Variants in NKAIN2 observed in about 807,000 individuals in gnomAD.
NKAIN2 encodes the protein sodium/potassium transporting ATPase interacting 2.
A neutral mutation model predicts 32.6 loss-of-function variants in NKAIN2; 14 were observed. The ratio of observed to expected loss-of-function variants is 0.43; its 90% confidence interval spans 0.28 to 0.67. NKAIN2 has a LOEUF of 0.67. Among genes scored for constraint, NKAIN2 ranks in the 30% least tolerant of loss-of-function variants. The probability of loss-of-function intolerance (pLI) is 0.17; values close to 1 mark genes in which losing one functional copy is unlikely to be tolerated. For synonymous variants in NKAIN2, 80 were observed against 87.2 expected, an observed-to-expected ratio of 0.92 and a Z score of 0.46; for missense variants, 198 against 258.3, an observed-to-expected ratio of 0.77 and a Z score of 1.60.
At chr6:123,827,167 T>C (rs1774183640) in intron 1 of NKAIN2, among the ~76,000 whole-genome samples, 1 of 152,164 alleles carries the variant, frequency 6.6e-6, no homozygotes, top group Non-Finnish European at 1.5e-5. Flanking sequence ...ATTCAAGTCC[T>C]TTTCTATTTT....
intron 1 of NKAIN2, among the ~76,000 whole-genome samples, chr6:123,827,434 C>A (rs1430077212): frequency 2.0e-5 from 3 of 151,992 alleles, no homozygotes; most frequent in Admixed American, 1.3e-4. Context: ...TATACATGTA[C>A]CACATGAAAA....
chr6:123,900,869 T>G (rs1318557248), intron 1 of NKAIN2, among the ~76,000 whole-genome samples: 1 of 152,136 alleles, frequency 6.6e-6, no homozygotes, highest in Admixed American at 6.6e-5. Flanking sequence ...AAAAGAAGAT[T>G]AAAAATATTT....
chr6:124,002,479 T>C (rs533782035), intron 1 of NKAIN2, among the ~76,000 whole-genome samples: 26 of 152,142 alleles, frequency 1.7e-4, no homozygotes, highest in African/African-American at 6.3e-4. Flanking sequence ...AATCTCCTAC[T>C]TCATTTTCTT....
chr6:124,311,092 A>C (rs899420762), intron 2 of NKAIN2, among the ~76,000 whole-genome samples: 4 of 152,110 alleles, frequency 2.6e-5, no homozygotes, highest in African/African-American at 9.7e-5. Flanking sequence ...TTCCCTTTTC[A>C]TCAACTTATT....
chr6:123,993,732 A>G (rs539509870), intron 1 of NKAIN2, among the ~76,000 whole-genome samples: 1 of 152,210 alleles, frequency 6.6e-6, no homozygotes, highest in East Asian at 1.9e-4. Context: ...ATGTTCCAGT[A>G]TTTTTCCAAA....
chr6:124,588,358 A>T (rs905625013), intron 3 of NKAIN2, among the ~76,000 whole-genome samples: 14 of 152,158 alleles, frequency 9.2e-5, no homozygotes, highest in South Asian at 2.1e-4. Flanking sequence ...ATTTTTATTT[A>T]AAAAATATCC....
chr6:124,798,081 AT>A (rs1780091733), intron 5 of NKAIN2, among the ~76,000 whole-genome samples: 2 of 150,090 alleles, frequency 1.3e-5, no homozygotes, highest in African/African-American at 4.9e-5. Flanking sequence ...CTATCTATCT[AT>A]CTATCTATCT....
intron 1 of NKAIN2, among the ~76,000 whole-genome samples, chr6:124,069,071 C>T (rs1258592674): frequency 6.6e-6 from 1 of 152,126 alleles, no homozygotes; most frequent in East Asian, 1.9e-4. Context: ...GGGATCACTA[C>T]ATTTTGAAAA....
chr6:124,359,534 A>G (rs1799166961), intron 3 of NKAIN2, among the ~76,000 whole-genome samples: 1 of 152,112 alleles, frequency 6.6e-6, no homozygotes, highest in South Asian at 2.1e-4. Flanking sequence ...CTTTGAAGCA[A>G]TTGTGAATGG....
intron 1 of NKAIN2, among the ~76,000 whole-genome samples, chr6:123,815,743 G>A (rs1773666794): frequency 6.6e-6 from 1 of 151,978 alleles, no homozygotes; most frequent in East Asian, 1.9e-4. Context: ...AAACATTTAA[G>A]AGATTATATA....
intron 4 of NKAIN2, among the ~76,000 whole-genome samples, chr6:124,758,359 C>A (rs1392401185): frequency 6.6e-6 from 1 of 152,114 alleles, no homozygotes; most frequent in African/African-American, 2.4e-5. Context: ...TTTTAGAAAG[C>A]TCTCTTGCCC....
At chr6:124,542,338 A>G (rs1416068358) in intron 3 of NKAIN2, among the ~76,000 whole-genome samples, 1 of 152,210 alleles carries the variant, frequency 6.6e-6, no homozygotes, top group African/African-American at 2.4e-5. Flanking sequence ...AACATAAAAA[A>G]TAAAATACTT....
chr6:123,917,954 T>TA (rs1201941557), intron 1 of NKAIN2, among the ~76,000 whole-genome samples: 6 of 152,146 alleles, frequency 3.9e-5, no homozygotes, highest in Admixed American at 2.0e-4. Context: ...GAGTTAAACA[T>TA]AGCCACCGTT....
chr6:124,335,981 T>C (rs1183508779), intron 2 of NKAIN2, among the ~76,000 whole-genome samples: 1 of 152,190 alleles, frequency 6.6e-6, no homozygotes, highest in Non-Finnish European at 1.5e-5. Context: ...CTAAATTAAT[T>C]CTCTATTTAG....
At chr6:123,983,916 AT>A (rs200727601) in intron 1 of NKAIN2, among the ~76,000 whole-genome samples, 3 of 151,768 alleles carry the variant, frequency 2.0e-5, no homozygotes, top group Non-Finnish European at 4.4e-5. Context: ...TTATTTATTT[AT>A]TTTTTTTGAG....
At chr6:124,262,534 A>G (rs1211511195) in intron 1 of NKAIN2, among the ~76,000 whole-genome samples, 1 of 152,186 alleles carries the variant, frequency 6.6e-6, no homozygotes, top group Non-Finnish European at 1.5e-5. Context: ...AGAGGTATAA[A>G]AGTAAAAATG....
At position 123,963,811 on chromosome 6, in the gene NKAIN2, A is replaced by G. The variant is rs181660964; in HGVS notation, c.54+159557A>G. On this transcript the variant is annotated intron_variant, in intron 1 of 6. Coordinates refer to ENST00000368417, the MANE Select transcript of NKAIN2 (RefSeq NM_001040214.3). The stretch of plus-strand genomic sequence containing the variant: ...TAAATGTTTAAATAATATTTATTAT[A>G]GCTAGCATGTTCATTTTTAGACAGG... Among the ~76,000 whole-genome samples the G allele has an allele frequency of 5.3e-4, 81 of 152,300 alleles. No individual in the cohort carries two copies. The East Asian group carries it at 0.015, about 28-fold the overall frequency.
At chr6:124,057,860 G>A (rs747407727) in intron 1 of NKAIN2, among the ~76,000 whole-genome samples, 1 of 151,914 alleles carries the variant, frequency 6.6e-6, no homozygotes, top group Non-Finnish European at 1.5e-5. Flanking sequence ...TAATGCACTA[G>A]GAGTATAGAG....
intron 1 of NKAIN2, among the ~76,000 whole-genome samples, chr6:124,071,469 A>C (rs1010798506): frequency 6.6e-6 from 1 of 152,182 alleles, no homozygotes; most frequent in Non-Finnish European, 1.5e-5. Context: ...ACAAAAATTG[A>C]CAAGTGGGAC....
Sources: allele counts gnomAD v4.1 joint callset (sites outside exome capture counted in the v4.1 genomes callset), GRCh38; gene constraint gnomAD v4.1.1; transcripts MANE v1.5; gene names NCBI Gene and HGNC (gene_info 2026-07-23, HGNC 2026-07-21).